The following HS2ST1 variants were observed in gnomAD, a reference collection of about 807,000 sequenced individuals.
HS2ST1 encodes the protein heparan sulfate 2-O-sulfotransferase 1.
In HS2ST1, 18 loss-of-function variants were observed where a neutral mutation model predicts 42.9. The observed-to-expected ratio is 0.42, with a 90% CI of 0.29 to 0.62. The LOEUF (loss-of-function observed/expected upper bound fraction) is 0.62, where lower values mean the gene tolerates loss of function less well. Among genes scored for constraint, HS2ST1 ranks in the 20% least tolerant of loss-of-function variants. The pLI, the probability that HS2ST1 is intolerant of heterozygous loss-of-function variation, is 0.21. For missense variants in HS2ST1, 334 were observed against 433.8 expected (o/e 0.77, Z 2.04); for synonymous variants, 146 against 152.9 (o/e 0.95, Z 0.33).
intron 1 of HS2ST1, among the ~76,000 whole-genome samples, chr1:87,010,363 T>C (rs1278308590): frequency 2.0e-5 from 3 of 152,178 alleles, no homozygotes; most frequent in Admixed American, 2.0e-4. Context: ...TATTATAGAA[T>C]GTAATTAGGA....
Position 86,941,954 on chromosome 1 carries a change from G to A in HS2ST1, c.124+26794G>A, listed in dbSNP as rs542541252. Among the ~76,000 whole-genome samples, 11 of 152,224 alleles carry A rather than the reference G, an allele frequency of 7.2e-5. No individual in the cohort carries two copies. The South Asian group carries it at 2.3e-3, about 32-fold the overall frequency. ...ATCAAAATGAGTGAAATTTAGGAGG[G>A]AAATGTTTATGAGCAGAAGCTTAAT... On this transcript the variant is annotated intron_variant, in intron 1 of 6. Transcript: ENST00000370550.
At chr1:86,971,191 A>G (rs563339891) in intron 1 of HS2ST1, among the ~76,000 whole-genome samples, 2 of 152,322 alleles carry the variant, frequency 1.3e-5, no homozygotes, top group East Asian at 3.9e-4. Flanking sequence ...AAGAAATTAA[A>G]TTGGCTAGAC....
At chr1:87,018,431 C>T (rs1427485044) in intron 1 of HS2ST1, among the ~76,000 whole-genome samples, 2 of 152,182 alleles carry the variant, frequency 1.3e-5, no homozygotes, top group African/African-American at 4.8e-5. Flanking sequence ...ATACCCTATC[C>T]ACCCACGAGG....
At chr1:87,002,637 AAG>A (rs1649323769) in intron 1 of HS2ST1, among the ~76,000 whole-genome samples, 3 of 151,914 alleles carry the variant, frequency 2.0e-5, no homozygotes, top group Admixed American at 6.6e-5. Flanking sequence ...AAAGAAAAAA[AAG>A]AGTTAAACCT....
rs189901992 is a variant in HS2ST1, at chr1:87,041,363, G to A, written c.125-31571G>A. 2.0e-5 allele frequency among the ~76,000 whole-genome samples: 3 copies of A among 151,410 alleles called. No homozygotes were observed. The East Asian group carries it at 5.8e-4, about 29-fold the overall frequency. ...GATCATGCCACTGCACTCCAGTGTG[G>A]GTTACAGAATGAGATCCTGTCTCAA... is the stretch of plus-strand genomic sequence containing the variant. On this transcript the variant is annotated intron_variant, in intron 1 of 6. Coordinates refer to ENST00000370550, the MANE Select transcript of HS2ST1 (RefSeq NM_012262.4).
chr1:86,989,235 G>T (rs2390220), intron 1 of HS2ST1, among the ~76,000 whole-genome samples: 105,973 of 152,134 alleles, frequency 0.7, 39,194 homozygotes, highest in East Asian at 0.97. Flanking sequence ...AAATGACTGA[G>T]CTTAGGGCTA....
rs1177785858 is a variant in HS2ST1, at chr1:87,101,149, G to GTTTTTTTTTTTTTTTTTT, written c.687-2277_687-2276insTTTTTTTTTTTTTTTTTT. ...TCATCACTTTTGTGTGTGTGTGTGTGTTTTTTGTTTTTTTTTTTTTTTTTT... is the reference window on the plus strand; with the variant it reads ...TCATCACTTTTGTGTGTGTGTGTGTGTTTTTTTTTTTTTTTTTTTTTTTTGTTTTTTTTTTTTTTTTTT... On this transcript the variant is annotated intron_variant, in intron 5 of 6. Coordinates refer to ENST00000370550, the MANE Select transcript of HS2ST1 (RefSeq NM_012262.4). 4.9e-4 allele frequency among the ~76,000 whole-genome samples: 29 copies of GTTTTTTTTTTTTTTTTTT among 59,566 alleles called. 9 individuals carry two copies. Among genetic ancestry groups the GTTTTTTTTTTTTTTTTTT allele is most frequent in the Non-Finnish European group, 8.0e-4 (27 of 33,768 alleles). The allele number at this position is 59,566 out of a possible 152,430, so 39.1% of individuals were successfully genotyped here. A position where few individuals can be genotyped will look rare whatever the true frequency, so the allele number is the denominator to read the frequency against.
At chr1:86,953,261 G>A (rs1647575733) in intron 1 of HS2ST1, among the ~76,000 whole-genome samples, 1 of 152,236 alleles carries the variant, frequency 6.6e-6, no homozygotes, top group Non-Finnish European at 1.5e-5. Context: ...TTAAGGGAAT[G>A]TTGTGGCCAG....
chr1:86,942,048 GT>G (rs1660774866), intron 1 of HS2ST1, among the ~76,000 whole-genome samples: 1 of 152,128 alleles, frequency 6.6e-6, no homozygotes, highest in South Asian at 2.1e-4. Context: ...ATCCTTCTGT[GT>G]TTGACTATTC....
intron 1 of HS2ST1, among the ~76,000 whole-genome samples, chr1:86,971,630 C>A: frequency 6.6e-6 from 1 of 152,102 alleles, no homozygotes; most frequent in East Asian, 1.9e-4. Flanking sequence ...CATTTCACAG[C>A]AGAAAGTTTT....
At chr1:87,005,599 A>G (rs989354771) in intron 1 of HS2ST1, among the ~76,000 whole-genome samples, 2 of 152,186 alleles carry the variant, frequency 1.3e-5, no homozygotes, top group Admixed American at 6.5e-5. Context: ...ATGAATGTAT[A>G]CATTTTGAAT....
intron 1 of HS2ST1, among the ~76,000 whole-genome samples, chr1:86,985,495 T>TATATACACATATATAC (rs1557504916): frequency 2.1e-4 from 16 of 75,464 alleles, no homozygotes; most frequent in African/African-American, 6.3e-4. Context: ...CACATATATA[T>TATATACACATATATAC]ACACATATAT....
chr1:87,074,849 C>T (rs1400147399), intron 2 of HS2ST1, among the ~76,000 whole-genome samples: 1 of 152,102 alleles, frequency 6.6e-6, no homozygotes, highest in East Asian at 1.9e-4. Context: ...TAGTCCAAAA[C>T]CTGATCTTAA....
At chr1:86,984,520 A>G (rs1047942247) in intron 1 of HS2ST1, among the ~76,000 whole-genome samples, 54 of 152,218 alleles carry the variant, frequency 3.5e-4, no homozygotes, top group Non-Finnish European at 7.1e-4. Flanking sequence ...AGTAGATATT[A>G]TTTAAGATAT....
chr1:87,109,180 G>GA lies in HS2ST1; in HGVS notation c.*4489dup, dbSNP rs1327287255. On this transcript the variant is annotated 3_prime_UTR_variant, in exon 7 of 7. Coordinates refer to ENST00000370550, the MANE Select transcript of HS2ST1 (RefSeq NM_012262.4). ...GCTATAAAATAAACAGTGGGAAGGGGAAAAATTGGTGTCCTGTTTTAATAT... is the reference window on the plus strand; with the variant it reads ...GCTATAAAATAAACAGTGGGAAGGGGAAAAAATTGGTGTCCTGTTTTAATAT... The GA allele has an allele frequency of 1.0e-4, 16 of 152,520 alleles. No homozygotes were observed. Among genetic ancestry groups the GA allele is most frequent in the African/African-American group, 3.9e-4 (16 of 41,430 alleles). 9.4% of individuals were successfully genotyped at this position (152,520 alleles called of 1,614,324 possible). A position where few individuals can be genotyped will look rare whatever the true frequency, so the allele number is the denominator to read the frequency against.
chr1:87,066,400 C>A (rs929210600), intron 1 of HS2ST1, among the ~76,000 whole-genome samples: 1 of 152,114 alleles, frequency 6.6e-6, no homozygotes, highest in Non-Finnish European at 1.5e-5. Flanking sequence ...CCCGTGTGAT[C>A]TGTAGGCTAT....
intron 1 of HS2ST1, among the ~76,000 whole-genome samples, chr1:86,990,666 G>A (rs1557506709): frequency 6.8e-6 from 1 of 147,972 alleles, no homozygotes; most frequent in Non-Finnish European, 1.5e-5. Flanking sequence ...TTTTTGAAAC[G>A]GAGTTTTGCT....
chr1:86,928,767 T>C (rs1660474787), intron 1 of HS2ST1, among the ~76,000 whole-genome samples: 1 of 151,994 alleles, frequency 6.6e-6, no homozygotes, highest in African/African-American at 2.4e-5. Context: ...ACTTTGAAGG[T>C]TAAAACAAAA....
chr1:86,981,185 A>T (rs1648579025), intron 1 of HS2ST1, among the ~76,000 whole-genome samples: 1 of 152,088 alleles, frequency 6.6e-6, no homozygotes, highest in African/African-American at 2.4e-5. Context: ...TGCCTCCATG[A>T]TTCAATCACC....
Sources: gnomAD v4.1 joint callset for allele counts (sites outside exome capture counted in the v4.1 genomes callset) on GRCh38, gnomAD v4.1.1 for gene constraint, MANE v1.5 for transcripts, NCBI Gene and HGNC (gene_info 2026-07-23, HGNC 2026-07-21) for gene names.